The following ZNF365 variants were observed in gnomAD, a reference collection of about 807,000 sequenced individuals.
The protein encoded by ZNF365 is protein ZNF365.
ZNF365 carries 22 observed loss-of-function variants against 35.0 expected under a neutral mutation model. The observed-to-expected ratio is 0.63, with a 90% CI of 0.45 to 0.90. The LOEUF is 0.90. Among genes scored for constraint, ZNF365 ranks in the 40% least tolerant of loss-of-function variants. The pLI, the probability that ZNF365 is intolerant of heterozygous loss-of-function variation, is 0.00. For missense variants in ZNF365, 448 were observed against 500.3 expected (o/e 0.90, Z 1.00); for synonymous variants, 188 against 196.2 (o/e 0.96, Z 0.35).
intron 4 of ZNF365, among the ~76,000 whole-genome samples, chr10:62,479,253 C>A (rs773086100): frequency 6.6e-6 from 1 of 152,170 alleles, no homozygotes; most frequent in African/African-American, 2.4e-5. Flanking sequence ...ATTCCTCCCA[C>A]GTAGAAGAAA....
rs1024673486 is a variant in ZNF365 at position 62,400,674 on chromosome 10, C to T, written c.*885C>T. 9 of 985,568 alleles carry T rather than the reference C, an allele frequency of 9.1e-6. No homozygotes were observed. The highest frequency in any genetic ancestry group is 3.5e-5 in the African/African-American group (2 of 57,224). 61.1% of individuals were successfully genotyped at this position (985,568 alleles called of 1,614,324 possible). ...CATCGTGACCATCCTGGAAGCACTG[C>T]GGGTGTCGCCAAGCCCTTTCCTAAG... On this transcript the variant is annotated 3_prime_UTR_variant, in exon 5 of 5. Transcript: ENST00000395254.
chr10:62,380,483 G>A (rs976442528), intron 2 of ZNF365, among the ~76,000 whole-genome samples: 36 of 152,292 alleles, frequency 2.4e-4, no homozygotes, highest in Middle Eastern at 3.4e-3. Flanking sequence ...TTAGCAGTAG[G>A]CTATTAGGAG....
intron 3 of ZNF365, among the ~76,000 whole-genome samples, chr10:62,440,273 A>G (rs1840477290): frequency 1.3e-5 from 2 of 148,842 alleles, no homozygotes; most frequent in South Asian, 4.3e-4. Flanking sequence ...GGTACATGTG[A>G]AGGTTTGTTA....
At chr10:62,391,239 T>G (rs1318564050) in intron 3 of ZNF365, among the ~76,000 whole-genome samples, 1 of 152,248 alleles carries the variant, frequency 6.6e-6, no homozygotes, top group Non-Finnish European at 1.5e-5. Flanking sequence ...TTTTAATTTT[T>G]GATTTCCATT....
intron 3 of ZNF365, among the ~76,000 whole-genome samples, chr10:62,448,613 A>G (rs1366982873): frequency 6.6e-6 from 1 of 152,134 alleles, no homozygotes; most frequent in Non-Finnish European, 1.5e-5. Flanking sequence ...TAATTAATGC[A>G]TTATGTCTCT....
At chr10:62,389,113 T>A (rs1839578788) in intron 3 of ZNF365, among the ~76,000 whole-genome samples, 1 of 152,158 alleles carries the variant, frequency 6.6e-6, no homozygotes, top group African/African-American at 2.4e-5. Flanking sequence ...GATTCCTGCA[T>A]ACAGTTTTGC....
At chr10:62,423,234 G>T (rs1019714773) in intron 3 of ZNF365, among the ~76,000 whole-genome samples, 1 of 151,936 alleles carries the variant, frequency 6.6e-6, no homozygotes, top group Non-Finnish European at 1.5e-5. Flanking sequence ...AACTCCAGGA[G>T]TTCTAAAGGA....
Position 62,376,926 on chromosome 10 carries a change from A to C in ZNF365, c.733A>C (p.Arg245=). ...GACGGAATCTGAGGAGGAGCTTCTT[A>C]GGAAAGAAGAGTAAGTGTTGCTGAC... is the stretch of plus-strand genomic sequence containing the variant. The part of the protein sequence containing the change: ...RLTESEEELL[R]KEEEVVTFNH... Residue 245 remains arginine, a synonymous_variant, in exon 2 of 5, where the codon AGG becomes CGG. Transcript: ENST00000395254. The C allele has an allele frequency of 6.2e-7, 1 of 1,606,960 alleles. No individual in the cohort carries two copies. Among genetic ancestry groups the C allele is most frequent in the Non-Finnish European group, 8.5e-7 (1 of 1,177,354 alleles).
intron 3 of ZNF365, chr10:62,459,690 G>A: frequency 6.4e-7 from 1 of 1,565,162 alleles, no homozygotes; most frequent in Non-Finnish European, 8.7e-7. Context: ...GACTTATTCA[G>A]TCTACACACT....
chr10:62,423,226 C>A lies in ZNF365; in HGVS notation c.924+34650C>A, dbSNP rs967439062. On this transcript the variant is annotated intron_variant, in intron 3 of 4. Transcript: ENST00000395255. ...TTTTAATAGAAACTTAAAAAAAAAA[C>A]TCCAGGAGTTCTAAAGGAGTTAGTA... Among the ~76,000 whole-genome samples, 15 of 133,490 alleles carry A rather than the reference C, an allele frequency of 1.1e-4. 1 individual carries two copies. In the East Asian group the frequency reaches 3.7e-3, roughly 32 times the overall value. The allele number at this position is 133,490 out of a possible 152,430, so 87.6% of individuals were successfully genotyped here.
intron 4 of ZNF365, among the ~76,000 whole-genome samples, chr10:62,462,791 T>C (rs930471583): frequency 6.6e-6 from 1 of 152,182 alleles, no homozygotes; most frequent in African/African-American, 2.4e-5. Context: ...TCTAAAAATT[T>C]TATGTTTCTT....
chr10:62,388,927 C>G (rs1241178283), intron 3 of ZNF365, among the ~76,000 whole-genome samples: 1 of 152,092 alleles, frequency 6.6e-6, no homozygotes, highest in East Asian at 1.9e-4. Context: ...AAGTTATTAT[C>G]ATGTTTTGGA....
chr10:62,389,509 T>A (rs1479504520), intron 3 of ZNF365, among the ~76,000 whole-genome samples: 9 of 152,050 alleles, frequency 5.9e-5, no homozygotes, highest in Admixed American at 5.9e-4. Flanking sequence ...ATAGGCAACA[T>A]TTATGCCGAT....
intron 3 of ZNF365, among the ~76,000 whole-genome samples, chr10:62,410,645 A>G (rs180959536): frequency 3.3e-5 from 5 of 152,138 alleles, no homozygotes; most frequent in Non-Finnish European, 7.4e-5. Flanking sequence ...CATTAGTTTG[A>G]TGAGGATAAT....
At position 62,466,108 on chromosome 10, in the gene ZNF365, G is replaced by A. The variant is rs138295032; in HGVS notation, c.981+6311G>A. Among the ~76,000 whole-genome samples the A allele has an allele frequency of 3.4e-3, 516 of 152,246 alleles. 3 individuals are homozygous for A. Among genetic ancestry groups the A allele is most frequent in the Non-Finnish European group, 4.7e-3 (317 of 68,012 alleles). On this transcript the variant is annotated intron_variant, in intron 4 of 4. Transcript: ENST00000395255. Reference sequence around the variant, plus strand: ...TGCACACCCCTACTCACTGCACTGCGGGCGACAAGAAGGAGAGAAGAGTTG... The same window carrying A: ...TGCACACCCCTACTCACTGCACTGCAGGCGACAAGAAGGAGAGAAGAGTTG...
intron 3 of ZNF365, among the ~76,000 whole-genome samples, chr10:62,443,840 C>T (rs769369991): frequency 1.3e-5 from 2 of 152,048 alleles, no homozygotes; most frequent in Non-Finnish European, 2.9e-5. Flanking sequence ...TCCCTGTGAC[C>T]AGTAAATAAT....
chr10:62,431,497 G>C (rs1315817977), intron 3 of ZNF365, among the ~76,000 whole-genome samples: 1 of 32,112 alleles, frequency 3.1e-5, no homozygotes, highest in Non-Finnish European at 1.2e-4. Context: ...GCTGTTAATA[G>C]TCTAATGCTG....
intron 4 of ZNF365, among the ~76,000 whole-genome samples, chr10:62,471,162 C>CGA (rs1841029048): frequency 6.6e-6 from 1 of 151,934 alleles, no homozygotes; most frequent in Non-Finnish European, 1.5e-5. Flanking sequence ...GTCAGGAGAT[C>CGA]GAGATCATCC....
chr10:62,409,149 G>C (rs1473482908), intron 3 of ZNF365, among the ~76,000 whole-genome samples: 1 of 152,112 alleles, frequency 6.6e-6, no homozygotes, highest in Non-Finnish European at 1.5e-5. Context: ...TCCACCCCAA[G>C]CTTCGGTCCA....
Sources: gnomAD v4.1 joint callset for allele counts (sites outside exome capture counted in the v4.1 genomes callset) on GRCh38, gnomAD v4.1.1 for gene constraint, MANE v1.5 for transcripts, NCBI Gene and HGNC (gene_info 2026-07-23, HGNC 2026-07-21) for gene names.